SAMD3: variants seen among roughly 807,000 people sequenced by gnomAD.
SAMD3 encodes the protein sterile alpha motif domain containing 3.
A neutral mutation model predicts 58.5 loss-of-function variants in SAMD3; 63 were observed. The observed-to-expected ratio is 1.08, with a 90% CI of 0.88 to 1.33. SAMD3 has a LOEUF of 1.33. Among genes scored for constraint, SAMD3 ranks in the 40% most tolerant of loss-of-function variants. SAMD3 has a pLI of 0.00. For missense variants in SAMD3, 604 were observed against 608.4 expected, an observed-to-expected ratio of 0.99 and a Z score of 0.08; for synonymous variants, 220 against 210.3, an observed-to-expected ratio of 1.05 and a Z score of -0.40.
intron 2 of SAMD3, among the ~76,000 whole-genome samples, chr6:130,274,099 C>A (rs889467002): frequency 9.2e-5 from 14 of 152,108 alleles, no homozygotes; most frequent in Admixed American, 8.5e-4. Context: ...CCTCAGTTTT[C>A]ATTTATCTAG....
chr6:130,162,847 C>A (rs939116588), intron 8 of SAMD3, among the ~76,000 whole-genome samples: 4 of 152,180 alleles, frequency 2.6e-5, no homozygotes, highest in Non-Finnish European at 4.4e-5. Context: ...TCTGAGCTGT[C>A]CAGTATGGTA....
intron 1 of SAMD3, among the ~76,000 whole-genome samples, chr6:130,221,190 A>G (rs1291571642): frequency 6.6e-6 from 1 of 152,208 alleles, no homozygotes; most frequent in Non-Finnish European, 1.5e-5. Context: ...CAAAGAAGGG[A>G]TTAGTCAATA....
At chr6:130,162,210 A>C in intron 8 of SAMD3, 2 of 699,724 alleles carry the variant, frequency 2.9e-6, no homozygotes, top group Non-Finnish European at 5.2e-6. Context: ...CAGTAACCTA[A>C]GCTCTCACAG....
At chr6:130,179,112 G>C (rs552317980) in intron 7 of SAMD3, among the ~76,000 whole-genome samples, 1 of 152,086 alleles carries the variant, frequency 6.6e-6, no homozygotes, top group African/African-American at 2.4e-5. Context: ...AGCAATCAAC[G>C]GCTAGGACAT....
chr6:130,182,145 A>G (rs961345533), intron 7 of SAMD3, among the ~76,000 whole-genome samples: 2 of 152,062 alleles, frequency 1.3e-5, no homozygotes, highest in African/African-American at 4.8e-5. Context: ...ATGTATCTCC[A>G]GTGTAGAAGA....
chr6:130,313,251 T>C (rs930970386), intron 1 of SAMD3, among the ~76,000 whole-genome samples: 20 of 152,218 alleles, frequency 1.3e-4, no homozygotes, highest in African/African-American at 4.8e-4. Context: ...TTTCTTAATG[T>C]TGGCACTATT....
chr6:130,293,644 C>A (rs188912444), intron 2 of SAMD3, among the ~76,000 whole-genome samples: 1 of 149,678 alleles, frequency 6.7e-6, no homozygotes, highest in Admixed American at 6.8e-5. Flanking sequence ...TTTTTAAAAA[C>A]CAGTCCTGAA....
chr6:130,252,023 T>C (rs1027001632), intron 2 of SAMD3, among the ~76,000 whole-genome samples: 1 of 152,102 alleles, frequency 6.6e-6, no homozygotes, highest in Non-Finnish European at 1.5e-5. Flanking sequence ...TCCATTATTG[T>C]TGTCTTCTTC....
intron 8 of SAMD3, among the ~76,000 whole-genome samples, chr6:130,170,035 T>A (rs1791097022): frequency 6.6e-6 from 1 of 152,180 alleles, no homozygotes; most frequent in African/African-American, 2.4e-5. Context: ...TACAAAGTGA[T>A]TTTTATTTTA....
chr6:130,171,953 C>T (rs1791290921), intron 8 of SAMD3, among the ~76,000 whole-genome samples: 2 of 152,150 alleles, frequency 1.3e-5, no homozygotes, highest in African/African-American at 4.8e-5. Context: ...ATCCCTTTAC[C>T]ATTATGTAAT....
downstream of SAMD3, among the ~76,000 whole-genome samples, chr6:130,143,363 A>T (rs1788373623): frequency 6.6e-6 from 1 of 152,180 alleles, no homozygotes; most frequent in Non-Finnish European, 1.5e-5. Context: ...CTCCTGCCTC[A>T]GCCTCCCAAG....
chr6:130,213,296 C>CT (rs1460523209), intron 4 of SAMD3, among the ~76,000 whole-genome samples: 4 of 150,772 alleles, frequency 2.7e-5, no homozygotes, highest in African/African-American at 9.8e-5. Context: ...AGACCCATCT[C>CT]TAAAAAAAAC....
At chr6:130,147,872 T>C (rs148792226) in intron 9 of SAMD3, among the ~76,000 whole-genome samples, 1 of 152,340 alleles carries the variant, frequency 6.6e-6, no homozygotes. Flanking sequence ...ACATTTCTCC[T>C]TGGAAGTTTT....
intron 5 of SAMD3, among the ~76,000 whole-genome samples, chr6:130,195,324 C>T (rs950673043): frequency 6.6e-6 from 1 of 152,128 alleles, no homozygotes; most frequent in Non-Finnish European, 1.5e-5. Flanking sequence ...CTGCTCAATG[C>T]CAAGATCCCA....
chr6:130,300,497 G>T (rs928492284), intron 2 of SAMD3, among the ~76,000 whole-genome samples: 1 of 152,016 alleles, frequency 6.6e-6, no homozygotes, highest in Admixed American at 6.6e-5. Context: ...GCCATTTATT[G>T]CAAACCCACA....
chr6:130,218,200 C>T (rs148036304), intron 1 of SAMD3, among the ~76,000 whole-genome samples: 1 of 152,296 alleles, frequency 6.6e-6, no homozygotes, highest in Non-Finnish European at 1.5e-5. Context: ...AAAGGGGAAA[C>T]AGTGGCTCTC....
At chr6:130,247,466 CA>C (rs1381371663) in intron 2 of SAMD3, among the ~76,000 whole-genome samples, 3,405 of 80,108 alleles carry the variant, frequency 0.043, 32 homozygotes, top group African/African-American at 0.067. Context: ...GACTCCATCT[CA>C]AAAAAAAAAA....
intron 5 of SAMD3, among the ~76,000 whole-genome samples, chr6:130,193,926 C>T (rs1304262855): frequency 6.6e-6 from 1 of 152,120 alleles, no homozygotes; most frequent in African/African-American, 2.4e-5. Context: ...CTCCTGTCCC[C>T]TCAGTCCCAA....
At chr6:130,363,054 A>G (rs1778032306) in intron 1 of SAMD3, among the ~76,000 whole-genome samples, 1 of 152,108 alleles carries the variant, frequency 6.6e-6, no homozygotes, top group Non-Finnish European at 1.5e-5. Flanking sequence ...TATTGACTTT[A>G]CCCTCTACTT....
Sources: gnomAD v4.1 joint callset for allele counts (sites outside exome capture counted in the v4.1 genomes callset) on GRCh38, gnomAD v4.1.1 for gene constraint, MANE v1.5 for transcripts, NCBI Gene and HGNC (gene_info 2026-07-23, HGNC 2026-07-21) for gene names.